DENND2C: variants seen among roughly 807,000 people sequenced by gnomAD.
DENND2C encodes DENN domain-containing protein 2C.
DENND2C carries 72 observed loss-of-function variants against 112.4 expected under a neutral mutation model. That is an observed-to-expected ratio of 0.64 (90% CI 0.53 to 0.78). The LOEUF is 0.78. Ranked by LOEUF, DENND2C falls within the 30% of genes least tolerant of loss-of-function variation. The probability of loss-of-function intolerance (pLI) is 0.00; values close to 1 mark genes in which losing one functional copy is unlikely to be tolerated. For synonymous variants in DENND2C, 329 were observed against 381.6 expected (o/e 0.86, Z 1.61); for missense variants, 992 against 1,113.8 (o/e 0.89, Z 1.56).
chr1:114,635,038 A>G (rs565822309), intron 3 of DENND2C, among the ~76,000 whole-genome samples: 198 of 150,104 alleles, frequency 1.3e-3, no homozygotes, highest in Non-Finnish European at 2.2e-3. Flanking sequence ...AAAAAAAAAA[A>G]AAAAAAGAAA....
intron 2 of DENND2C, among the ~76,000 whole-genome samples, chr1:114,651,276 T>TACACACACACACACACAC (rs57202953): frequency 0.024 from 3,344 of 139,234 alleles, 57 homozygotes; most frequent in Non-Finnish European, 0.028. Context: ...TCCCTACACA[T>TACACACACACACACACAC]ACACACACAC....
At chr1:114,616,360 C>G (rs961954716) in intron 8 of DENND2C, among the ~76,000 whole-genome samples, 3 of 151,590 alleles carry the variant, frequency 2.0e-5, no homozygotes, top group East Asian at 1.9e-4. Context: ...CCACTGCACT[C>G]CAGCCTGGGT....
intron 14 of DENND2C, 52 bp downstream of exon 14, chr1:114,600,768 G>A: frequency 1.3e-6 from 2 of 1,585,874 alleles, no homozygotes; most frequent in Non-Finnish European, 1.7e-6. Context: ...GCCTACTAGT[G>A]TAAGTCCTGC....
In DENND2C at chr1:114,599,274, C is replaced by T; in HGVS notation, c.2283G>A (p.Glu761=). ...LPQLQDLPIE[E]VLIVDLCADK... ...ATTAGGTTCCATTCTTCTATCTCAC[C>T]TCTTCAATGGGTAGGTCCTGGAGCT... Residue 761 remains glutamate (E), a splice_region_variant and synonymous_variant, in exon 16 of 21, where the codon GAG becomes GAA. Coordinates refer to ENST00000393274, the MANE Select transcript of DENND2C (RefSeq NM_001256404.2). 1.2e-6 allele frequency: 2 copies of T among 1,600,648 alleles called. No homozygotes were observed.
Position 114,587,697 on chromosome 1 carries a change from A to C in DENND2C, c.2668+19T>G, listed in dbSNP as rs776187438. The C allele has an allele frequency of 6.3e-7, 1 of 1,586,616 alleles. No individual in the cohort carries two copies. Among genetic ancestry groups the C allele is most frequent in the South Asian group, 1.1e-5 (1 of 87,550 alleles). The stretch of plus-strand genomic sequence containing the variant: ...GGTATTCACTAAATAGAGAGGGAGA[A>C]CTTTATAATGAAACTGACCTTTAAC... On this transcript the variant is annotated intron_variant, in intron 19 of 20. Transcript: ENST00000393274.
chr1:114,620,058 G>A (rs1656121166), intron 7 of DENND2C, among the ~76,000 whole-genome samples: 1 of 152,178 alleles, frequency 6.6e-6, no homozygotes, highest in South Asian at 2.1e-4. Flanking sequence ...TGGGGAAGAG[G>A]CAAATGGACT....
intron 2 of DENND2C, among the ~76,000 whole-genome samples, chr1:114,652,484 A>G (rs1275006222): frequency 3.9e-5 from 6 of 151,900 alleles, no homozygotes; most frequent in Non-Finnish European, 7.4e-5. Context: ...TTAGGAAGCA[A>G]TCATTTTCTG....
chr1:114,599,095 C>T (rs191184224), intron 16 of DENND2C, among the ~76,000 whole-genome samples, 179 bp downstream of exon 16: 1 of 152,100 alleles, frequency 6.6e-6, no homozygotes, highest in African/African-American at 2.4e-5. Flanking sequence ...TGTGTACTAT[C>T]GAATTTTCCC....
In DENND2C at chr1:114,623,556, T is replaced by C. The variant is rs2101665374; in HGVS notation, c.894A>G (p.Ser298=). 1 of 1,610,860 alleles carries C rather than the reference T, an allele frequency of 6.2e-7. No individual in the cohort carries two copies. The highest frequency in any genetic ancestry group is 2.2e-5 in the East Asian group (1 of 44,596). The stretch of plus-strand genomic sequence containing the variant: ...CCTCAGACTGTGTGTAATAAAGTGC[T>C]GACCCAGAATTTCTTCCAAGTTCTT... The part of the protein sequence containing the change: ...IREELGRNSG[S]ALYYTQSEDN... The change falls in exon 5 of 21, where the codon TCA becomes TCG. Residue 298 remains serine (S), a synonymous_variant. Coordinates refer to ENST00000393274, the MANE Select transcript of DENND2C (RefSeq NM_001256404.2).
At chr1:114,639,222 C>T (rs11102827) in intron 3 of DENND2C, among the ~76,000 whole-genome samples, 133,193 of 152,246 alleles carry the variant, frequency 0.87, 58,765 homozygotes, top group African/African-American at 0.96. Context: ...GTATTGCTAG[C>T]GTAACATGGT....
At chr1:114,609,365 C>G (rs1655751406) in intron 9 of DENND2C, among the ~76,000 whole-genome samples, 1 of 152,174 alleles carries the variant, frequency 6.6e-6, no homozygotes, top group African/African-American at 2.4e-5. Context: ...AAAAATTTTC[C>G]TCACATTGAA....
intron 3 of DENND2C, among the ~76,000 whole-genome samples, chr1:114,638,762 C>CAAAAAAAAAAAAAAAAAAAAAAAAAAAAA (rs35740017): frequency 1.2e-5 from 1 of 84,164 alleles, no homozygotes; most frequent in Non-Finnish European, 2.3e-5. Flanking sequence ...GACCTTGTCT[C>CAAAAAAAAAAAAAAAAAAAAAAAAAAAAA]AAAAAAAAAA....
chr1:114,601,394 G>T, intron 13 of DENND2C, 114 bp downstream of exon 13: 2 of 996,408 alleles, frequency 2.0e-6, no homozygotes, highest in Non-Finnish European at 1.5e-6. Context: ...CAGGCACGTG[G>T]TTCCTAGTTT....
At chr1:114,656,872 C>T (rs554209217) in intron 1 of DENND2C, among the ~76,000 whole-genome samples, 24 of 152,246 alleles carry the variant, frequency 1.6e-4, no homozygotes, top group Admixed American at 8.5e-4. Context: ...CTGCCTCAGC[C>T]TCCTGAGTAG....
At chr1:114,666,327 T>C (rs1657647635) in intron 1 of DENND2C, among the ~76,000 whole-genome samples, 1 of 152,220 alleles carries the variant, frequency 6.6e-6, no homozygotes, top group Non-Finnish European at 1.5e-5. Context: ...CAGCTTATCT[T>C]TCCTAAACAC....
chr1:114,617,831 T>A (rs1270394533), intron 8 of DENND2C, among the ~76,000 whole-genome samples: 2 of 152,226 alleles, frequency 1.3e-5, no homozygotes, highest in Non-Finnish European at 2.9e-5. Context: ...AATTTGTCTA[T>A]GAAATTTAGT....
At chr1:114,645,214 T>C (rs1036958294) in intron 3 of DENND2C, among the ~76,000 whole-genome samples, 1 of 152,192 alleles carries the variant, frequency 6.6e-6, no homozygotes, top group Non-Finnish European at 1.5e-5. Flanking sequence ...AAAATTCATA[T>C]GTTGAAGTCC....
At chr1:114,662,001 T>C (rs545646530) in intron 1 of DENND2C, among the ~76,000 whole-genome samples, 1 of 143,598 alleles carries the variant, frequency 7.0e-6, no homozygotes, top group East Asian at 1.9e-4. Flanking sequence ...AGCTATCACA[T>C]TACACTCATG....
intron 3 of DENND2C, among the ~76,000 whole-genome samples, chr1:114,643,127 G>A (rs912364205): frequency 6.6e-6 from 1 of 152,184 alleles, no homozygotes; most frequent in Non-Finnish European, 1.5e-5. Flanking sequence ...AGGGGAGGTA[G>A]TATGAATAGT....
Sources: allele counts gnomAD v4.1 joint callset (sites outside exome capture counted in the v4.1 genomes callset), GRCh38; gene constraint gnomAD v4.1.1; transcripts MANE v1.5; gene names NCBI Gene and HGNC (gene_info 2026-07-23, HGNC 2026-07-21).